The following SLC12A5 variants were observed in gnomAD, a reference collection of about 807,000 sequenced individuals.
SLC12A5 encodes solute carrier family 12 member 5, also known as K-Cl cotransporter 2.
SLC12A5 carries 18 observed loss-of-function variants against 124.0 expected under a neutral mutation model. The ratio of observed to expected loss-of-function variants is 0.15; its 90% confidence interval spans 0.10 to 0.22. The LOEUF is 0.22. Ranked by LOEUF, SLC12A5 falls within the 10% of genes least tolerant of loss-of-function variation. The pLI, the probability that SLC12A5 is intolerant of heterozygous loss-of-function variation, is 1.00. For missense variants in SLC12A5, 867 were observed against 1,478.7 expected, an observed-to-expected ratio of 0.59 and a Z score of 6.78; for synonymous variants, 589 against 568.0, an observed-to-expected ratio of 1.04 and a Z score of -0.53.
chr20:46,043,542 C>A, intron 9 of SLC12A5, 91 bp from the exon 10 acceptor site: 3 of 1,368,648 alleles, frequency 2.2e-6, no homozygotes, highest in Non-Finnish European at 2.1e-6. Flanking sequence ...AGATCCCAGA[C>A]TCACTGACCC....
intron 21 of SLC12A5, among the ~76,000 whole-genome samples, chr20:46,055,551 G>A (rs1357536140): frequency 6.6e-6 from 1 of 152,108 alleles, no homozygotes; most frequent in Non-Finnish European, 1.5e-5. Context: ...ACCAGAGTAT[G>A]GATGAAAGAC....
chr20:46,051,836 G>T lies in SLC12A5; in HGVS notation c.2343G>T (p.Gln781His). ...TTGGCTGGCCCCGCAACTGGCGCCA[G>T]AAGGAAGATCATCAGACGTGGAGGA... ...VLVGWPRNWR[Q>H]KEDHQTWRNF... Residue 781 changes from glutamine (Q) to histidine (H), a missense_variant, in exon 18 of 26, where the codon CAG (glutamine) becomes CAT (histidine). This residue lies in a region of SLC12A5 where 110 missense variants were observed against 149.9 expected (regional missense o/e 0.73). Coordinates refer to ENST00000243964, the MANE Select transcript of SLC12A5 (RefSeq NM_020708.5). 1 of 1,514,052 alleles carries T rather than the reference G, an allele frequency of 6.6e-7. No homozygotes were observed. 93.8% of individuals were successfully genotyped at this position (1,514,052 alleles called of 1,614,324 possible).
chr20:46,022,851 C>T (rs2084366379), intron 1 of SLC12A5: 1 of 399,252 alleles, frequency 2.5e-6, no homozygotes, highest in Non-Finnish European at 4.4e-6. Context: ...AGTCTCCCCT[C>T]AGGGGGCACT....
Position 46,056,958 on chromosome 20 carries a change from G to A in SLC12A5, c.3125+47G>A, listed in dbSNP as rs758667550. The A allele has an allele frequency of 6.2e-7, 1 of 1,613,534 alleles. No individual in the cohort carries two copies. The highest frequency in any genetic ancestry group is 1.1e-5 in the South Asian group (1 of 91,072). The stretch of plus-strand genomic sequence containing the variant: ...CATTCTCTCTCCTAGGATGGCCAGG[G>A]TCCCTACCCTCCTCACTCTGTTGTG... On this transcript the variant is annotated intron_variant, in intron 24 of 25. Transcript: ENST00000243964. The surrounding 1 kb of genome is among the most constrained non-coding windows in gnomAD (Gnocchi z 4.3).
Position 46,047,535 on chromosome 20 carries a change from C to A in SLC12A5, c.1869C>A (p.Leu623=). The A allele has an allele frequency of 6.2e-7, 1 of 1,613,912 alleles. No individual in the cohort carries two copies. Among genetic ancestry groups the A allele is most frequent in the Non-Finnish European group, 8.5e-7 (1 of 1,179,938 alleles). Residue 623 remains leucine, a synonymous_variant, in exon 15 of 26, where the codon CTC becomes CTA. Transcript: ENST00000243964. ...GGTATTATGCACTGGTAGCCATGCT[C>A]ATTGCTGGACTCATCTACAAGTACA... ...CSWYYALVAM[L]IAGLIYKYIE...
rs1260794863 is a variant in SLC12A5, at chr20:46,057,070, A to C, written c.3126-100A>C. ...GATTGGTGGTCCTAGGCTTGCAAGA[A>C]CCAGTCCCCAGCAGCCCAGTTCGGG... is the stretch of plus-strand genomic sequence containing the variant. On this transcript the variant is annotated intron_variant, in intron 24 of 25. Transcript: ENST00000243964. This position sits in a 1 kb window ranked among gnomAD's most constrained non-coding sequence, Gnocchi z 7.1. 9.4e-6 allele frequency: 15 copies of C among 1,595,904 alleles called. No individual in the cohort carries two copies. The highest frequency in any genetic ancestry group is 1.3e-5 in the Non-Finnish European group (15 of 1,166,930).
upstream of SLC12A5, among the ~76,000 whole-genome samples, chr20:46,028,131 G>A (rs1368853007): frequency 6.6e-6 from 1 of 152,188 alleles, no homozygotes; most frequent in Non-Finnish European, 1.5e-5. Flanking sequence ...TCAAGCTTCT[G>A]GGGGATTGGC....
intron 16 of SLC12A5, among the ~76,000 whole-genome samples, 158 bp downstream of exon 16, chr20:46,048,243 A>C (rs1386703494): frequency 6.6e-6 from 1 of 152,184 alleles, no homozygotes; most frequent in African/African-American, 2.4e-5. Flanking sequence ...TTCCCACCTG[A>C]AACACTGAGG....
Position 46,057,620 on chromosome 20 carries a change from C to T in SLC12A5, c.*15C>T. The T allele has an allele frequency of 6.2e-7, 1 of 1,602,748 alleles. No homozygotes were observed. The highest frequency in any genetic ancestry group is 2.2e-5 in the East Asian group (1 of 44,580). ...TCTACTCCTGAGAACCAGGACCTGC[C>T]ACCCGGGCCCGAGCGCGCCCGGCCC... On this transcript the variant is annotated 3_prime_UTR_variant, in exon 26 of 26. Transcript: ENST00000243964. The surrounding 1 kb of genome is among the most constrained non-coding windows in gnomAD (Gnocchi z 7.1).
intron 7 of SLC12A5, chr20:46,041,048 C>T: frequency 4.9e-6 from 2 of 410,734 alleles, no homozygotes; most frequent in Non-Finnish European, 9.0e-6. Context: ...CCATCCACTG[C>T]TCAGAGGTGG....
Position 46,049,832 on chromosome 20 carries a change from A to G in SLC12A5, c.2181+42A>G, listed in dbSNP as rs779898442. On this transcript the variant is annotated intron_variant, in intron 17 of 25. Coordinates refer to ENST00000243964, the MANE Select transcript of SLC12A5 (RefSeq NM_020708.5). The stretch of plus-strand genomic sequence containing the variant: ...GTTGGGCTTGGGAAAAGGTCAGGAC[A>G]CTTAGGAAGACAGTCTCTATCCTTT... 6 of 1,515,788 alleles carry G rather than the reference A, an allele frequency of 4.0e-6. No individual in the cohort carries two copies. The Admixed American group carries it at 1.3e-4, about 33-fold the overall frequency. The allele number at this position is 1,515,788 out of a possible 1,614,324, so 93.9% of individuals were successfully genotyped here.
At position 46,035,051 on chromosome 20, in the gene SLC12A5, C is replaced by G; in HGVS notation, c.147+9C>G. The G allele has an allele frequency of 6.2e-7, 1 of 1,613,454 alleles. No individual in the cohort carries two copies. The highest frequency in any genetic ancestry group is 8.5e-7 in the Non-Finnish European group (1 of 1,179,526). ...ACATGGCCTTGTTTGAGGTGGGCTGCTAGGGCTGTTGGGCCCCCACCTACA... is the reference window on the plus strand; with the variant it reads ...ACATGGCCTTGTTTGAGGTGGGCTGGTAGGGCTGTTGGGCCCCCACCTACA... On this transcript the variant is annotated intron_variant, in intron 2 of 25. Coordinates refer to ENST00000243964, the MANE Select transcript of SLC12A5 (RefSeq NM_020708.5).
intron 16 of SLC12A5, 91 bp downstream of exon 16, chr20:46,048,176 T>A: frequency 8.4e-7 from 1 of 1,184,828 alleles, no homozygotes; most frequent in Non-Finnish European, 1.2e-6. Flanking sequence ...GCCTGACTTA[T>A]CCTGCTTGCT....
At chr20:46,043,779 G>A in intron 10 of SLC12A5, 48 bp downstream of exon 10, 1 of 1,613,218 alleles carries the variant, frequency 6.2e-7, no homozygotes, top group South Asian at 1.1e-5. Context: ...AGGGCAAGAG[G>A]GAGGGCAGCT....
intron 6 of SLC12A5, 30 bp from the exon 7 acceptor site, chr20:46,040,343 G>T (rs575958914): frequency 1.9e-4 from 299 of 1,610,824 alleles, no homozygotes; most frequent in Non-Finnish European, 2.4e-4. Flanking sequence ...GCTGACTTAG[G>T]TATCTGTTCT....
Position 46,045,082 on chromosome 20 carries a change from C to T in SLC12A5, c.1511C>T (p.Thr504Met), listed in dbSNP as rs770229415. ...STCGAGLQSL[T>M]GAPRLLQAIS... The stretch of plus-strand genomic sequence containing the variant: ...TGTGGGGCTGGGCTGCAGAGCCTCA[C>T]GGGGGCCCCACGCCTGCTGCAGGCC... Residue 504 changes from threonine to methionine, a missense_variant, in exon 12 of 26, where the codon ACG becomes ATG. Thr to Met is a moderately conservative substitution (Grantham distance 81). This residue lies in a region of SLC12A5 where 152 missense variants were observed against 358.7 expected (regional missense o/e 0.42). Coordinates refer to ENST00000243964, the MANE Select transcript of SLC12A5 (RefSeq NM_020708.5). This position sits in a 1 kb window ranked among gnomAD's most constrained non-coding sequence, Gnocchi z 4.9. The T allele has an allele frequency of 1.9e-6, 3 of 1,612,724 alleles. No homozygotes were observed. The highest frequency in any genetic ancestry group is 1.1e-5 in the South Asian group (1 of 90,900).
intron 1 of SLC12A5, among the ~76,000 whole-genome samples, chr20:46,034,415 A>C (rs1315928974): frequency 4.6e-5 from 7 of 152,210 alleles, no homozygotes; most frequent in Admixed American, 4.6e-4. Flanking sequence ...CTTTCCTGAG[A>C]ACAAGGATGA....
chr20:46,057,092 C>A lies in SLC12A5; in HGVS notation c.3126-78C>A, dbSNP rs1379240239. 6 of 1,601,710 alleles carry A rather than the reference C, an allele frequency of 3.7e-6. No individual in the cohort carries two copies. The highest frequency in any genetic ancestry group is 5.1e-6 in the Non-Finnish European group (6 of 1,171,020). On this transcript the variant is annotated intron_variant, in intron 24 of 25. Transcript: ENST00000243964. The surrounding 1 kb of genome is among the most constrained non-coding windows in gnomAD (Gnocchi z 7.1). ...AGAACCAGTCCCCAGCAGCCCAGTT[C>A]GGGCTGGAAGGGCGACTGGCTCCAA...
rs2084663489 is a variant in SLC12A5 at position 46,053,433 on chromosome 20, G to A, written c.2548-145G>A. On this transcript the variant is annotated intron_variant, in intron 19 of 25. Coordinates refer to ENST00000243964, the MANE Select transcript of SLC12A5 (RefSeq NM_020708.5). The surrounding 1 kb of genome is among the most constrained non-coding windows in gnomAD (Gnocchi z 4.7). ...AAGCAGGGAAGGTTTTGTAGAGAGT[G>A]GCCCCAAAGACAGAGGATTTGGGGT... 17 of 1,142,918 alleles carry A rather than the reference G, an allele frequency of 1.5e-5. No homozygotes were observed. In the South Asian group the frequency reaches 2.0e-4, roughly 14 times the overall value. 70.8% of individuals were successfully genotyped at this position (1,142,918 alleles called of 1,614,324 possible).
Sources: allele counts gnomAD v4.1 joint callset (sites outside exome capture counted in the v4.1 genomes callset), GRCh38; gene constraint gnomAD v4.1.1; regional missense constraint gnomAD v4.1.1; non-coding constraint Gnocchi (gnomAD v3.1); transcripts MANE v1.5; gene names NCBI Gene and HGNC (gene_info 2026-07-23, HGNC 2026-07-21).